The following CSF1R variants were observed in gnomAD, a reference collection of about 807,000 sequenced individuals.
CSF1R encodes the protein colony stimulating factor 1 receptor.
A neutral mutation model predicts 110.0 loss-of-function variants in CSF1R; 40 were observed. The ratio of observed to expected loss-of-function variants is 0.36; its 90% CI spans 0.28 to 0.47. The LOEUF is 0.47. Among genes scored for constraint, CSF1R ranks in the 20% least tolerant of loss-of-function variants. The pLI, the probability that CSF1R is intolerant of heterozygous loss-of-function variation, is 0.99. For missense variants in CSF1R, 1,052 were observed against 1,253.0 expected, an observed-to-expected ratio of 0.84 and a Z score of 2.42; for synonymous variants, 523 against 503.4, an observed-to-expected ratio of 1.04 and a Z score of -0.52.
At chr5:150,091,869 A>G (rs1188089876) in intron 1 of CSF1R, among the ~76,000 whole-genome samples, 1 of 151,644 alleles carries the variant, frequency 6.6e-6, no homozygotes, top group East Asian at 1.9e-4. Flanking sequence ...AAAAAAAAAA[A>G]AAAAAAAAAA....
intron 10 of CSF1R, among the ~76,000 whole-genome samples, chr5:150,065,603 T>G (rs1294658731): frequency 6.6e-6 from 1 of 152,182 alleles, no homozygotes; most frequent in Non-Finnish European, 1.5e-5. Flanking sequence ...GCTCCGAACC[T>G]CATGGGGCAA....
chr5:150,101,594 G>A (rs990918753), intron 1 of CSF1R, among the ~76,000 whole-genome samples: 2 of 151,912 alleles, frequency 1.3e-5, no homozygotes, highest in African/African-American at 2.4e-5. Context: ...CAGCCGTCAC[G>A]GGACCCAGGC....
At position 150,053,623 on chromosome 5, in the gene CSF1R, T is replaced by A; in HGVS notation, c.*446A>T. 3.5e-6 allele frequency: 1 copy of A among 283,752 alleles called. No homozygotes were observed. Among genetic ancestry groups the A allele is most frequent in the Admixed American group, 4.7e-5 (1 of 21,208 alleles). The allele number at this position is 283,752 out of a possible 1,614,324, so 17.6% of individuals were successfully genotyped here. A position where few individuals can be genotyped will look rare whatever the true frequency, so the allele number is the denominator to read the frequency against. On this transcript the variant is annotated 3_prime_UTR_variant, in exon 21 of 21. Transcript: ENST00000675795. The stretch of plus-strand genomic sequence containing the variant: ...AGGGGCCTGAGCTGAGTGTGGTCTG[T>A]GAGCATCTGCTGCTCCTCTCAGAGA...
intron 10 of CSF1R, among the ~76,000 whole-genome samples, chr5:150,062,916 G>T (rs1455418338): frequency 6.6e-6 from 1 of 152,162 alleles, no homozygotes; most frequent in Non-Finnish European, 1.5e-5. Context: ...ATCCTGGCAA[G>T]TTTGAGCTAT....
intron 2 of CSF1R, among the ~76,000 whole-genome samples, chr5:150,080,541 G>A (rs1263121296): frequency 6.6e-6 from 1 of 152,232 alleles, no homozygotes; most frequent in Non-Finnish European, 1.5e-5. Context: ...ATGTGAGGCT[G>A]TGTGACCTTG....
At chr5:150,083,134 A>T (rs1306469789) in intron 1 of CSF1R, among the ~76,000 whole-genome samples, 1 of 151,938 alleles carries the variant, frequency 6.6e-6, no homozygotes, top group Admixed American at 6.6e-5. Flanking sequence ...GCTAGCAGGG[A>T]AGGAAGCCGG....
At chr5:150,077,773 G>A (rs1475250971) in intron 4 of CSF1R, among the ~76,000 whole-genome samples, 1 of 152,110 alleles carries the variant, frequency 6.6e-6, no homozygotes, top group Non-Finnish European at 1.5e-5. Flanking sequence ...ATATTCCTGG[G>A]CTTCAATGGT....
chr5:150,088,413 G>A (rs1758927962), upstream of CSF1R, among the ~76,000 whole-genome samples: 1 of 152,034 alleles, frequency 6.6e-6, no homozygotes, highest in Non-Finnish European at 1.5e-5. Context: ...CATTTTTCTG[G>A]TACCAAAGCT....
chr5:150,077,293 A>G lies in CSF1R; in HGVS notation c.872T>C (p.Met291Thr), dbSNP rs1758308418. The G allele has an allele frequency of 6.2e-7, 1 of 1,614,196 alleles. No homozygotes were observed. Among genetic ancestry groups the G allele is most frequent in the Non-Finnish European group, 8.5e-7 (1 of 1,180,024 alleles). The change falls in exon 5 of 21, where the codon ATG (methionine) becomes ACG (threonine). Residue 291 changes from methionine to threonine, a missense_variant. By Grantham distance (81) the Met-to-Thr change is moderately conservative. Around this residue, in one of 5 missense-constraint regions of CSF1R, gnomAD observed 693 missense variants for 735.4 expected, o/e 0.94. Coordinates refer to ENST00000675795, the MANE Select transcript of CSF1R (RefSeq NM_001288705.3). ...SNVQGKHSTSMFFRVVESAYL... is the reference protein window; with the variant it reads ...SNVQGKHSTSTFFRVVESAYL... ...ATGCTTACCTACCACCCGGAAGAAC[A>G]TGGAGGTGGAGTGCTTGCCCTGCAC...
At position 150,057,569 on chromosome 5, in the gene CSF1R, C is replaced by T. The variant is rs1757283340; in HGVS notation, c.2156G>A (p.Gly719Asp). ...CCTCATCTCCACATAGGTGTCCACA[C>T]CCTGGCTGGAGAAGCCACTGTCCCT... ...VRRDSGFSSQGVDTYVEMRPV... is the reference protein window; with the variant it reads ...VRRDSGFSSQDVDTYVEMRPV... The change falls in exon 15 of 21, where the codon GGT (glycine) becomes GAT (aspartate). Residue 719 changes from glycine (G) to aspartate (D), a missense_variant. Physicochemically the swap from Gly to Asp is moderately conservative, Grantham distance 94 (BLOSUM62 -1). This residue lies in a region of CSF1R where 124 missense variants were observed against 117.7 expected (regional missense o/e 1.05). Coordinates refer to ENST00000675795, the MANE Select transcript of CSF1R (RefSeq NM_001288705.3). 6.2e-7 allele frequency: 1 copy of T among 1,614,198 alleles called. No individual in the cohort carries two copies. The highest frequency in any genetic ancestry group is 8.5e-7 in the Non-Finnish European group (1 of 1,180,024).
chr5:150,092,767 A>G (rs1759088051), intron 1 of CSF1R, among the ~76,000 whole-genome samples: 1 of 152,230 alleles, frequency 6.6e-6, no homozygotes, highest in South Asian at 2.1e-4. Flanking sequence ...AATTATTACA[A>G]TTCAAGGTGA....
chr5:150,095,171 A>G (rs1759185781), intron 1 of CSF1R: 1 of 639,588 alleles, frequency 1.6e-6, no homozygotes, highest in African/African-American at 1.8e-5. Context: ...AAACTGATAG[A>G]CCCGAAAGGA....
chr5:150,059,989 C>A, intron 13 of CSF1R, 127 bp from the exon 14 acceptor site: 1 of 1,091,954 alleles, frequency 9.2e-7, no homozygotes, highest in Non-Finnish European at 1.3e-6. Flanking sequence ...AACCTCGGCT[C>A]TGTGAGCAAG....
intron 1 of CSF1R, among the ~76,000 whole-genome samples, chr5:150,102,807 G>A (rs1759447069): frequency 6.6e-6 from 1 of 152,226 alleles, no homozygotes; most frequent in African/African-American, 2.4e-5. Context: ...TCTGTATTAT[G>A]TCTGCTAACC....
intron 10 of CSF1R, among the ~76,000 whole-genome samples, chr5:150,064,205 A>G (rs1290191905): frequency 6.6e-6 from 1 of 152,226 alleles, no homozygotes; most frequent in Non-Finnish European, 1.5e-5. Flanking sequence ...AGCTATGCTC[A>G]GTAGCAGGTG....
chr5:150,070,877 C>T (rs1758003734), intron 6 of CSF1R, among the ~76,000 whole-genome samples: 1 of 152,144 alleles, frequency 6.6e-6, no homozygotes. Flanking sequence ...TGTCACTGGA[C>T]TAAGCTTTCA....
At chr5:150,096,039 A>C (rs1419633606) in intron 1 of CSF1R, among the ~76,000 whole-genome samples, 2 of 152,158 alleles carry the variant, frequency 1.3e-5, no homozygotes, top group African/African-American at 4.8e-5. Flanking sequence ...AAAACAAACA[A>C]AAAAACTCTT....
chr5:150,055,088 A>C, intron 19 of CSF1R, 149 bp downstream of exon 19: 1 of 669,800 alleles, frequency 1.5e-6, no homozygotes, highest in Non-Finnish European at 2.6e-6. Context: ...GCTTGAACTC[A>C]AAAGGGGCTT....
At chr5:150,078,883 C>T (rs915859383) in intron 3 of CSF1R, among the ~76,000 whole-genome samples, 5 of 152,142 alleles carry the variant, frequency 3.3e-5, no homozygotes, top group Non-Finnish European at 7.4e-5. Flanking sequence ...ATGAATTAGC[C>T]TCCCCAGCAC....
Sources: allele counts gnomAD v4.1 joint callset (sites outside exome capture counted in the v4.1 genomes callset), GRCh38; gene constraint gnomAD v4.1.1; regional missense constraint gnomAD v4.1.1; transcripts MANE v1.5; gene names NCBI Gene and HGNC (gene_info 2026-07-23, HGNC 2026-07-21).